The following TASP1 variants were observed in gnomAD, a reference collection of about 807,000 sequenced individuals.
The protein encoded by TASP1 is taspase 1, also known as threonine aspartase 1.
Under a neutral mutation model 56.6 loss-of-function variants are expected in TASP1, and 16 were observed. The observed-to-expected ratio is 0.28, with a 90% CI of 0.19 to 0.43. The LOEUF (loss-of-function observed/expected upper bound fraction) is 0.43, where lower values mean the gene tolerates loss of function less well. TASP1 is among the 20% of genes least tolerant of loss of function. The pLI is 1.00. For synonymous variants in TASP1, 179 were observed against 184.2 expected, an observed-to-expected ratio of 0.97 and a Z score of 0.23; for missense variants, 393 against 511.6, an observed-to-expected ratio of 0.77 and a Z score of 2.24.
intron 8 of TASP1, among the ~76,000 whole-genome samples, chr20:13,541,242 G>T (rs748825780): frequency 3.3e-5 from 5 of 152,164 alleles, no homozygotes; most frequent in Non-Finnish European, 7.4e-5. Context: ...ACCTACAACA[G>T]AATGACAGCC....
chr20:13,452,366 C>T (rs938019236), intron 11 of TASP1, among the ~76,000 whole-genome samples: 4 of 151,164 alleles, frequency 2.6e-5, no homozygotes, highest in East Asian at 2.0e-4. Context: ...ATACTAAATA[C>T]CTGCTCTGTA....
chr20:13,360,579 A>G, the TASP1 span, among the ~76,000 whole-genome samples: 1 of 152,104 alleles, frequency 6.6e-6, no homozygotes, highest in East Asian at 1.9e-4. Context: ...GTTTAAGCCT[A>G]GCCCTCATGT....
At chr20:13,153,138 T>C in the TASP1 span, among the ~76,000 whole-genome samples, 1 of 152,212 alleles carries the variant, frequency 6.6e-6, no homozygotes, top group Non-Finnish European at 1.5e-5. Context: ...TATTCATTCT[T>C]ATTGAGCAAA....
At chr20:13,260,160 G>A in the TASP1 span, among the ~76,000 whole-genome samples, 1 of 152,230 alleles carries the variant, frequency 6.6e-6, no homozygotes, top group African/African-American at 2.4e-5. Context: ...GGTGGCAAAG[G>A]GAACAGGTGC....
the TASP1 span, among the ~76,000 whole-genome samples, chr20:13,174,817 C>T: frequency 6.6e-6 from 1 of 152,122 alleles, no homozygotes; most frequent in South Asian, 2.1e-4. Context: ...TGGCTGTGTC[C>T]CTACCCAAAT....
chr20:13,259,151 T>C, the TASP1 span, among the ~76,000 whole-genome samples: 119 of 152,084 alleles, frequency 7.8e-4, 2 homozygotes, highest in East Asian at 0.021. Flanking sequence ...GGCATGGTGG[T>C]ATGCGCCTGT....
At chr20:13,164,709 A>G in the TASP1 span, 1 of 1,456,536 alleles carries the variant, frequency 6.9e-7, no homozygotes, top group Non-Finnish European at 9.6e-7. Context: ...AAGCAGGGCT[A>G]CTTAGGTGTT....
chr20:13,417,495 C>T lies in TASP1; in HGVS notation c.1123G>A (p.Glu375Lys), dbSNP rs1568772197. The change falls in exon 13 of 14, where the codon GAG (glutamate) becomes AAG (lysine). Residue 375 changes from glutamate to lysine, a missense_variant. Around this residue, in one of 3 missense-constraint regions of TASP1, gnomAD observed 293 missense variants for 354.2 expected, o/e 0.83. Coordinates refer to ENST00000337743, the MANE Select transcript of TASP1 (RefSeq NM_017714.3). ...GACATATATCCGACACACATGCTCT[C>T]CGTCGTGTGGCTCCACAGAAATTCC... is the stretch of plus-strand genomic sequence containing the variant. ...LVEFLWSHTT[E>K]SMCVGYMSAQ... The T allele has an allele frequency of 6.2e-7, 1 of 1,614,168 alleles. No individual in the cohort carries two copies. The highest frequency in any genetic ancestry group is 1.3e-5 in the African/African-American group (1 of 75,058).
chr20:13,476,387 A>G (rs889110227), intron 11 of TASP1, among the ~76,000 whole-genome samples: 2 of 152,154 alleles, frequency 1.3e-5, no homozygotes, highest in African/African-American at 4.8e-5. Flanking sequence ...TCATCCATTC[A>G]TTTGAAAGTG....
intron 10 of TASP1, among the ~76,000 whole-genome samples, chr20:13,509,859 C>T (rs2044263788): frequency 6.6e-6 from 1 of 152,164 alleles, no homozygotes; most frequent in Admixed American, 6.5e-5. Flanking sequence ...AACTCCTGAC[C>T]TTGTGATCCA....
the TASP1 span, among the ~76,000 whole-genome samples, chr20:13,231,603 A>G: frequency 6.6e-6 from 1 of 152,232 alleles, no homozygotes; most frequent in Non-Finnish European, 1.5e-5. Context: ...TAAACCGAGT[A>G]GAAGTAAAAA....
the TASP1 span, among the ~76,000 whole-genome samples, chr20:13,287,719 G>T: frequency 2.6e-5 from 4 of 152,142 alleles, no homozygotes; most frequent in Non-Finnish European, 4.4e-5. Context: ...CATACAAAAA[G>T]GGTTCAATAG....
At chr20:13,585,370 T>A (rs2047265182) in intron 5 of TASP1, among the ~76,000 whole-genome samples, 1 of 152,046 alleles carries the variant, frequency 6.6e-6, no homozygotes, top group African/African-American at 2.4e-5. Flanking sequence ...ATCAGAAACT[T>A]CTATTCATCA....
chr20:13,340,151 C>CA, the TASP1 span, among the ~76,000 whole-genome samples: 2 of 151,988 alleles, frequency 1.3e-5, no homozygotes, highest in Admixed American at 6.6e-5. Flanking sequence ...GGAACAAACA[C>CA]AAAAAAACAT....
At chr20:13,132,171 A>ATTTTTT in the TASP1 span, among the ~76,000 whole-genome samples, 12 of 103,990 alleles carry the variant, frequency 1.2e-4, no homozygotes, top group Admixed American at 4.4e-4. Flanking sequence ...CCTTGCTTTA[A>ATTTTTT]TTTTTTTTTT....
At chr20:13,384,277 T>G in the TASP1 span, among the ~76,000 whole-genome samples, 1 of 152,220 alleles carries the variant, frequency 6.6e-6, no homozygotes, top group African/African-American at 2.4e-5. Flanking sequence ...AAAGTTTTTC[T>G]GCATTGCCAC....
At chr20:13,572,685 CAA>C (rs71188164) in intron 6 of TASP1, among the ~76,000 whole-genome samples, 5 of 84,066 alleles carry the variant, frequency 5.9e-5, no homozygotes, top group African/African-American at 1.8e-4. Context: ...GACTCCATCT[CAA>C]AAAAAAAAAA....
chr20:13,418,966 T>C (rs987919411), intron 12 of TASP1, among the ~76,000 whole-genome samples: 6 of 152,306 alleles, frequency 3.9e-5, no homozygotes, highest in Middle Eastern at 3.4e-3. Flanking sequence ...GTTTAAAGAA[T>C]ACATGACAAC....
intron 13 of TASP1, 134 bp from the exon 14 acceptor site, chr20:13,390,586 C>T: frequency 1.5e-6 from 1 of 663,268 alleles, no homozygotes; most frequent in South Asian, 1.8e-5. Context: ...CATCCACAGA[C>T]TGTACCACTG....
Sources: gnomAD v4.1 joint callset for allele counts (sites outside exome capture counted in the v4.1 genomes callset) on GRCh38, gnomAD v4.1.1 for gene constraint, gnomAD v4.1.1 regional missense constraint, MANE v1.5 for transcripts, NCBI Gene and HGNC (gene_info 2026-07-23, HGNC 2026-07-21) for gene names.